The following COL20A1 variants were observed in gnomAD, a reference collection of about 807,000 sequenced individuals.
The protein encoded by COL20A1 is collagen alpha-1(XX) chain.
A neutral mutation model predicts 152.9 loss-of-function variants in COL20A1; 164 were observed. The observed-to-expected ratio is 1.07, with a 90% CI of 0.94 to 1.22. The LOEUF (loss-of-function observed/expected upper bound fraction) is 1.22. Ranked by LOEUF, COL20A1 falls within the 50% of genes most tolerant of loss-of-function variation. The probability of loss-of-function intolerance (pLI) is 0.00; values close to 1 mark genes in which losing one functional copy is unlikely to be tolerated. For synonymous variants in COL20A1, 864 were observed against 756.0 expected (o/e 1.14, Z -2.34); for missense variants, 1,873 against 1,744.8 (o/e 1.07, Z -1.31).
chr20:63,316,060 C>G (rs753600062), intron 20 of COL20A1, among the ~76,000 whole-genome samples: 35 of 152,184 alleles, frequency 2.3e-4, no homozygotes, highest in Non-Finnish European at 4.6e-4. Flanking sequence ...GGCCCCCAGG[C>G]AGGGTGGATG....
rs993515151 is a variant in COL20A1 at position 63,312,361 on chromosome 20, C to T, written c.1804-59C>T. 4 of 1,462,076 alleles carry T rather than the reference C, an allele frequency of 2.7e-6. No homozygotes were observed. The South Asian group carries it at 4.2e-5, about 15-fold the overall frequency. 90.6% of individuals were successfully genotyped at this position (1,462,076 alleles called of 1,614,324 possible). ...GCAGGTGCTGGGCCTGATTCTCCAC[C>T]CCAGCAAGGGCTCCAGGCACCAGCT... On this transcript the variant is annotated intron_variant, in intron 14 of 35. Coordinates refer to ENST00000358894, the MANE Select transcript of COL20A1 (RefSeq NM_020882.4).
chr20:63,316,075 G>A (rs1379241048), intron 20 of COL20A1, among the ~76,000 whole-genome samples: 2 of 152,300 alleles, frequency 1.3e-5, no homozygotes, highest in South Asian at 2.1e-4. Context: ...TGGATGGAGC[G>A]AGCTGGCCAC....
intron 27 of COL20A1, among the ~76,000 whole-genome samples, 156 bp downstream of exon 27, chr20:63,322,267 G>A (rs1397244546): frequency 6.6e-6 from 1 of 152,128 alleles, no homozygotes; most frequent in African/African-American, 2.4e-5. Flanking sequence ...AGGGACCCCA[G>A]CACCCCAGGA....
intron 16 of COL20A1, 39 bp downstream of exon 16, chr20:63,312,973 G>A (rs370248757): frequency 3.8e-5 from 58 of 1,528,268 alleles, no homozygotes; most frequent in Non-Finnish European, 4.8e-5. Flanking sequence ...GGGGCCCCCC[G>A]TGGGCCCCTA....
intron 3 of COL20A1, among the ~76,000 whole-genome samples, chr20:63,304,779 G>A (rs908836524): frequency 7.9e-5 from 12 of 151,324 alleles, no homozygotes; most frequent in Admixed American, 5.3e-4. Flanking sequence ...TTTCTCCCTT[G>A]CCTTAGCACT....
At chr20:63,321,423 G>A (rs1358968420) in intron 26 of COL20A1, among the ~76,000 whole-genome samples, 1 of 152,230 alleles carries the variant, frequency 6.6e-6, no homozygotes, top group African/African-American at 2.4e-5. Flanking sequence ...CCTCCCCCAC[G>A]AACCCTCCTC....
intron 26 of COL20A1, among the ~76,000 whole-genome samples, chr20:63,321,385 C>T (rs181124481): frequency 2.0e-5 from 3 of 152,308 alleles, no homozygotes; most frequent in Non-Finnish European, 2.9e-5. Flanking sequence ...GGGGGCCAGG[C>T]GCAGCTCCTT....
chr20:63,328,326 C>T lies in COL20A1; in HGVS notation c.3614-5C>T, dbSNP rs376460382. The T allele has an allele frequency of 1.2e-6, 2 of 1,609,134 alleles. No homozygotes were observed. The highest frequency in any genetic ancestry group is 4.5e-5 in the East Asian group (2 of 44,720). Reference sequence around the variant, plus strand: ...GTGTCCTGCTGACACCCCTCCTCCCCACAGCACACGTGTCAAAGTTCGACT... The same window carrying T: ...GTGTCCTGCTGACACCCCTCCTCCCTACAGCACACGTGTCAAAGTTCGACT... On this transcript the variant is annotated splice_region_variant and splice_polypyrimidine_tract_variant and intron_variant, in intron 33 of 35. Coordinates refer to ENST00000358894, the MANE Select transcript of COL20A1 (RefSeq NM_020882.4).
At position 63,310,491 on chromosome 20, in the gene COL20A1, G is replaced by C. The variant is rs777158363; in HGVS notation, c.1374G>C (p.Leu458=). The C allele has an allele frequency of 1.2e-5, 19 of 1,602,008 alleles. No individual in the cohort carries two copies. Among genetic ancestry groups the C allele is most frequent in the Non-Finnish European group, 1.5e-5 (18 of 1,175,098 alleles). The change falls in exon 11 of 36, where the codon CTG becomes CTC. Residue 458 remains leucine (L), a synonymous_variant. Transcript: ENST00000358894. The part of the protein sequence containing the change: ...PIYEGGVGEG[L]RGLVTTAPLP... ...ATGAGGGCGGGGTTGGCGAAGGCCT[G>C]CGGGGCCTGGTGACCACAGGTAGGT...
chr20:63,316,302 A>T (rs1008009953), intron 20 of COL20A1, among the ~76,000 whole-genome samples: 5 of 149,912 alleles, frequency 3.3e-5, no homozygotes, highest in African/African-American at 1.2e-4. Context: ...TGGCCTGGGG[A>T]GCGGCCCCTC....
At position 63,313,256 on chromosome 20, in the gene COL20A1, G is replaced by A; in HGVS notation, c.2209+7G>A. On this transcript the variant is annotated splice_region_variant and intron_variant, in intron 17 of 35. Transcript: ENST00000358894. The surrounding 1 kb of genome is among the most constrained non-coding windows in gnomAD (Gnocchi z 5.9). The stretch of plus-strand genomic sequence containing the variant: ...TCCCTCCGCTATACCCCCTGTAGGT[G>A]CCCCTCCACTTCCCCTCTGCTGGGT... The A allele has an allele frequency of 6.2e-7, 1 of 1,604,146 alleles. No individual in the cohort carries two copies. The highest frequency in any genetic ancestry group is 8.5e-7 in the Non-Finnish European group (1 of 1,174,032).
In COL20A1 at chr20:63,298,033, C is replaced by A; in HGVS notation, c.193+13C>A. The A allele has an allele frequency of 6.4e-7, 1 of 1,570,650 alleles. No individual in the cohort carries two copies. On this transcript the variant is annotated intron_variant, in intron 3 of 35. Coordinates refer to ENST00000358894, the MANE Select transcript of COL20A1 (RefSeq NM_020882.4). ...AAGCCCATGGCAGGTGAGGACCTGCCCCTCCCAGGCCCCCTTCCCCATTAG... is the reference window on the plus strand; with the variant it reads ...AAGCCCATGGCAGGTGAGGACCTGCACCTCCCAGGCCCCCTTCCCCATTAG...
At chr20:63,328,054 A>C (rs993647572) in intron 32 of COL20A1, 25 bp from the exon 33 acceptor site, 1 of 1,613,480 alleles carries the variant, frequency 6.2e-7, no homozygotes, top group Admixed American at 1.7e-5. Flanking sequence ...CACGGGTCCC[A>C]AAGCTGCACC....
intron 9 of COL20A1, 63 bp from the exon 10 acceptor site, chr20:63,309,695 G>A: frequency 7.0e-7 from 1 of 1,421,314 alleles, no homozygotes; most frequent in Non-Finnish European, 9.4e-7. Flanking sequence ...GGCCACCAGG[G>A]GGAGCGTGGA....
chr20:63,315,414 C>G lies in COL20A1; in HGVS notation c.2499C>G (p.Ala833=), dbSNP rs1025330589. 7 of 1,578,348 alleles carry G rather than the reference C, an allele frequency of 4.4e-6. No homozygotes were observed. In the Admixed American group the frequency reaches 8.9e-5, roughly 20 times the overall value. The change falls in exon 20 of 36, where the codon GCC becomes GCG. Residue 833 remains alanine, a synonymous_variant. Coordinates refer to ENST00000358894, the MANE Select transcript of COL20A1 (RefSeq NM_020882.4). ...GTCTCCTCTCAGCAGCCTGCCCAGCCCTCCGCCCTGACGGCTCCCTCCCAG... is the reference window on the plus strand; with the variant it reads ...GTCTCCTCTCAGCAGCCTGCCCAGCGCTCCGCCCTGACGGCTCCCTCCCAG... ...VSATGQTACP[A]LRPDGSLPGF...
At chr20:63,301,474 A>G (rs777683319) in intron 3 of COL20A1, among the ~76,000 whole-genome samples, 11 of 152,122 alleles carry the variant, frequency 7.2e-5, no homozygotes, top group Non-Finnish European at 1.3e-4. Flanking sequence ...TATAGTTACT[A>G]TGTTTGGGGT....
At chr20:63,298,629 C>G (rs1568763030) in intron 3 of COL20A1, among the ~76,000 whole-genome samples, 1 of 152,134 alleles carries the variant, frequency 6.6e-6, no homozygotes, top group African/African-American at 2.4e-5. Flanking sequence ...GAACGAGTCT[C>G]AATGCGTCAG....
In COL20A1 at chr20:63,309,854, C is replaced by G; in HGVS notation, c.1202C>G (p.Pro401Arg). Residue 401 changes from proline (P) to arginine (R), a missense_variant, in exon 10 of 36, where the codon CCC becomes CGC. Physicochemically the swap from Pro to Arg is moderately radical, Grantham distance 103. Transcript: ENST00000358894. Reference protein sequence around the residue: ...SSIRLSWTPAPRHPLKYLIVW... With the variant: ...SSIRLSWTPARRHPLKYLIVW... Reference sequence around the variant, plus strand: ...ATCCGCCTGTCCTGGACTCCAGCCCCCCGGCACCCCCTCAAGTATCTGATC... The same window carrying G: ...ATCCGCCTGTCCTGGACTCCAGCCCGCCGGCACCCCCTCAAGTATCTGATC... The G allele has an allele frequency of 6.2e-7, 1 of 1,611,814 alleles. No individual in the cohort carries two copies. Among genetic ancestry groups the G allele is most frequent in the Non-Finnish European group, 8.5e-7 (1 of 1,179,446 alleles).
chr20:63,305,665 G>A lies in COL20A1; in HGVS notation c.337+105G>A. On this transcript the variant is annotated intron_variant, in intron 4 of 35. Transcript: ENST00000358894. This position sits in a 1 kb window ranked among gnomAD's most constrained non-coding sequence, Gnocchi z 4.9. ...CTCCAGGCTGCGTTCCAGCCCCAGG[G>A]GTGGGTATGTGTGAAGCAGTTCTGG... 7.5e-7 allele frequency: 1 copy of A among 1,334,830 alleles called. No homozygotes were observed. The highest frequency in any genetic ancestry group is 1.0e-6 in the Non-Finnish European group (1 of 987,008). The allele number at this position is 1,334,830 out of a possible 1,614,324, so 82.7% of individuals were successfully genotyped here. A position where few individuals can be genotyped will look rare whatever the true frequency, so the allele number is the denominator to read the frequency against.
Sources: allele counts gnomAD v4.1 joint callset (sites outside exome capture counted in the v4.1 genomes callset), GRCh38; gene constraint gnomAD v4.1.1; non-coding constraint Gnocchi (gnomAD v3.1); transcripts MANE v1.5; gene names NCBI Gene and HGNC (gene_info 2026-07-23, HGNC 2026-07-21).